Variants in PSMF1 observed in about 807,000 individuals in gnomAD.
PSMF1 encodes the protein proteasome inhibitor subunit 1.
In PSMF1, 30 loss-of-function variants were observed where a neutral mutation model predicts 29.3. The ratio of observed to expected loss-of-function variants is 1.02; its 90% CI spans 0.77 to 1.39. The LOEUF (loss-of-function observed/expected upper bound fraction) is 1.39, where lower values mean the gene tolerates loss of function less well. PSMF1 is among the 40% of genes most tolerant of loss of function. PSMF1 has a pLI of 0.00. For synonymous variants in PSMF1, 134 were observed against 139.7 expected (o/e 0.96, Z 0.29); for missense variants, 344 against 357.5 (o/e 0.96, Z 0.31).
At position 1,163,029 on chromosome 20, in the gene PSMF1, A is replaced by T; in HGVS notation, c.552-101A>T. 7.8e-7 allele frequency: 1 copy of T among 1,281,366 alleles called. No individual in the cohort carries two copies. 79.4% of individuals were successfully genotyped at this position (1,281,366 alleles called of 1,614,324 possible). ...GAAATATCCCTTGTGCTATGGTCTC[A>T]TGCAAGGGTTTCCCATGCCTGTGAG... On this transcript the variant is annotated intron_variant, in intron 4 of 6. Transcript: ENST00000335877. The surrounding 1 kb of genome is among the most constrained non-coding windows in gnomAD (Gnocchi z 6.1).
chr20:1,160,574 A>G (rs1009763044), intron 4 of PSMF1: 1 of 469,476 alleles, frequency 2.1e-6, no homozygotes, highest in African/African-American at 2.0e-5. Flanking sequence ...CAGCTCCTCC[A>G]CCGATCACAA....
At chr20:1,139,094 A>G (rs1049094599) in intron 4 of PSMF1, among the ~76,000 whole-genome samples, 1 of 152,002 alleles carries the variant, frequency 6.6e-6, no homozygotes, top group African/African-American at 2.4e-5. Context: ...AATCGCTTGA[A>G]CCTGGGAGGT....
Position 1,167,774 on chromosome 20 carries a change from A to C in PSMF1, c.*2694A>C, listed in dbSNP as rs1251352196. On this transcript the variant is annotated 3_prime_UTR_variant, in exon 7 of 7. Coordinates refer to ENST00000335877, the MANE Select transcript of PSMF1 (RefSeq NM_006814.5). ...ACAAAAAGGCTATTATGAGTAATGC[A>C]GCCAAGAACATTTGTGTACCAGTTT... 6.6e-6 allele frequency: 1 copy of C among 152,216 alleles called. No homozygotes were observed. The highest frequency in any genetic ancestry group is 1.9e-4 in the East Asian group (1 of 5,196). The allele number at this position is 152,216 out of a possible 1,614,324, so 9.4% of individuals were successfully genotyped here. A position where few individuals can be genotyped will look rare whatever the true frequency, so the allele number is the denominator to read the frequency against.
intron 4 of PSMF1, among the ~76,000 whole-genome samples, chr20:1,146,664 G>A (rs1345055742): frequency 6.6e-6 from 1 of 152,112 alleles, no homozygotes; most frequent in South Asian, 2.1e-4. Context: ...ACGTCAAGGA[G>A]AGTATTTTGC....
intron 4 of PSMF1, among the ~76,000 whole-genome samples, chr20:1,139,901 G>T (rs571675609): frequency 3.3e-5 from 5 of 152,306 alleles, no homozygotes; most frequent in African/African-American, 1.2e-4. Flanking sequence ...ATTTGGGAAA[G>T]AATTGTGTAA....
At chr20:1,133,228 A>T (rs570801103) in intron 3 of PSMF1, among the ~76,000 whole-genome samples, 3 of 150,978 alleles carry the variant, frequency 2.0e-5, no homozygotes, top group Non-Finnish European at 4.4e-5. Flanking sequence ...TTTTTTGTAA[A>T]TGTTCTTTAT....
At position 1,166,284 on chromosome 20, in the gene PSMF1, G is replaced by A. The variant is rs780983347; in HGVS notation, c.*1204G>A. On this transcript the variant is annotated 3_prime_UTR_variant, in exon 7 of 7. Coordinates refer to ENST00000335877, the MANE Select transcript of PSMF1 (RefSeq NM_006814.5). ...CCCTGTTCTGGAGTGGAAAGAGCAC[G>A]ATAGAGCACCAGGCTAAGAGGCACG... 9.3e-6 allele frequency: 15 copies of A among 1,606,816 alleles called. No homozygotes were observed. Among genetic ancestry groups the A allele is most frequent in the Admixed American group, 6.7e-5 (4 of 59,808 alleles).
intron 4 of PSMF1, among the ~76,000 whole-genome samples, chr20:1,162,657 A>T (rs953229618): frequency 6.6e-6 from 1 of 152,130 alleles, no homozygotes. Flanking sequence ...GTAGTACTAA[A>T]ATTTTATACA....
chr20:1,146,167 C>T (rs562845296), intron 4 of PSMF1, among the ~76,000 whole-genome samples: 5 of 152,214 alleles, frequency 3.3e-5, no homozygotes, highest in Admixed American at 2.0e-4. Flanking sequence ...CACAGAGATA[C>T]TTCATGAGTA....
At chr20:1,137,879 A>C (rs73893245) in intron 4 of PSMF1, among the ~76,000 whole-genome samples, 1 of 152,186 alleles carries the variant, frequency 6.6e-6, no homozygotes, top group Non-Finnish European at 1.5e-5. Context: ...GGTGAATGAT[A>C]TGTCTGGGAT....
intron 4 of PSMF1, among the ~76,000 whole-genome samples, chr20:1,150,240 C>T (rs2086511071): frequency 6.6e-6 from 1 of 151,194 alleles, no homozygotes; most frequent in South Asian, 2.1e-4. Context: ...ATTAAAAAGA[C>T]ATATTCAAAG....
intron 4 of PSMF1, among the ~76,000 whole-genome samples, chr20:1,159,886 G>A (rs545601832): frequency 5.3e-5 from 8 of 152,162 alleles, no homozygotes; most frequent in African/African-American, 1.9e-4. Flanking sequence ...ATTTTTTCCC[G>A]GTTCTCTAAT....
intron 4 of PSMF1, among the ~76,000 whole-genome samples, chr20:1,148,212 G>T (rs936098387): frequency 6.6e-6 from 1 of 152,216 alleles, no homozygotes; most frequent in Non-Finnish European, 1.5e-5. Flanking sequence ...TAGGAGTATA[G>T]CTAGAGAGGA....
intron 4 of PSMF1, among the ~76,000 whole-genome samples, chr20:1,144,046 C>T (rs1437372875): frequency 6.6e-6 from 1 of 152,152 alleles, no homozygotes; most frequent in Non-Finnish European, 1.5e-5. Flanking sequence ...CGAGATGGCA[C>T]CACTGCTCTC....
In PSMF1 at chr20:1,147,135, T is replaced by TATCATC. The variant is rs112288654; in HGVS notation, c.551+11867_551+11872dup. On this transcript the variant is annotated intron_variant, in intron 4 of 6. Coordinates refer to ENST00000335877, the MANE Select transcript of PSMF1 (RefSeq NM_006814.5). The stretch of plus-strand genomic sequence containing the variant: ...GGTCCATTATGGACATTGTTTCCGT[T>TATCATC]ATCATCATCATCATCATCATCATCA... Among the ~76,000 whole-genome samples the TATCATC allele has an allele frequency of 5.0e-3, 732 of 146,740 alleles. 11 individuals carry two copies. Among genetic ancestry groups the TATCATC allele is most frequent in the Non-Finnish European group, 4.3e-3 (284 of 66,654 alleles).
At chr20:1,123,119 A>G (rs1223551799) in intron 1 of PSMF1, among the ~76,000 whole-genome samples, 1 of 152,120 alleles carries the variant, frequency 6.6e-6, no homozygotes, top group East Asian at 1.9e-4. Context: ...CCTCACTCTC[A>G]TTTCTATGCT....
chr20:1,127,264 T>G (rs984733429), intron 2 of PSMF1, 162 bp from the exon 3 acceptor site: 1 of 774,472 alleles, frequency 1.3e-6, no homozygotes, highest in African/African-American at 1.7e-5. Context: ...CAGAGAAGTC[T>G]CCAAGCCTTA....
chr20:1,140,223 C>T (rs914692214), intron 4 of PSMF1, among the ~76,000 whole-genome samples: 1 of 152,198 alleles, frequency 6.6e-6, no homozygotes, highest in Admixed American at 6.5e-5. Context: ...CTTCAATCAT[C>T]AGGACCGTGT....
At chr20:1,113,723 C>A (rs914718362), upstream of PSMF1, among the ~76,000 whole-genome samples, 2 of 151,938 alleles carry the variant, frequency 1.3e-5, no homozygotes, top group East Asian at 3.9e-4. Flanking sequence ...GACGGCGTCT[C>A]GCTCTGTCGC....
Sources: gnomAD v4.1 joint callset for allele counts (sites outside exome capture counted in the v4.1 genomes callset) on GRCh38, gnomAD v4.1.1 for gene constraint, Gnocchi (gnomAD v3.1) non-coding constraint, MANE v1.5 for transcripts, NCBI Gene and HGNC (gene_info 2026-07-23, HGNC 2026-07-21) for gene names.